The following CACNB2 variants were observed in gnomAD, a reference collection of about 807,000 sequenced individuals.
The protein encoded by CACNB2 is voltage-dependent L-type calcium channel subunit beta-2.
In CACNB2, 42 loss-of-function variants were observed where a neutral mutation model predicts 73.3. The ratio of observed to expected loss-of-function variants is 0.57; its 90% CI spans 0.45 to 0.74. The LOEUF (loss-of-function observed/expected upper bound fraction) is 0.74, where lower values mean the gene tolerates loss of function less well. CACNB2 is among the 30% of genes least tolerant of loss of function. The probability of loss-of-function intolerance (pLI) is 0.00; values close to 1 mark genes in which losing one functional copy is unlikely to be tolerated. For synonymous variants in CACNB2, 348 were observed against 310.3 expected (o/e 1.12, Z -1.28); for missense variants, 940 against 853.0 (o/e 1.10, Z -1.27).
chr10:18,522,738 C>T (rs1333011772), intron 9 of CACNB2, among the ~76,000 whole-genome samples: 1 of 151,784 alleles, frequency 6.6e-6, no homozygotes, highest in Non-Finnish European at 1.5e-5. Context: ...ATTAGCTGGG[C>T]ATGTTGGCGG....
chr10:18,531,480 C>A (rs566346577), intron 10 of CACNB2, among the ~76,000 whole-genome samples: 1 of 152,036 alleles, frequency 6.6e-6, no homozygotes, highest in African/African-American at 2.4e-5. Flanking sequence ...CATATACATG[C>A]GTGTATCTTT....
At chr10:18,487,213 A>C (rs2049111541) in intron 3 of CACNB2, among the ~76,000 whole-genome samples, 1 of 152,146 alleles carries the variant, frequency 6.6e-6, no homozygotes, top group African/African-American at 2.4e-5. Flanking sequence ...TGGTTGACAA[A>C]CAAAAGGGAA....
At chr10:18,480,723 T>C (rs1168729155) in intron 3 of CACNB2, among the ~76,000 whole-genome samples, 1 of 152,220 alleles carries the variant, frequency 6.6e-6, no homozygotes, top group African/African-American at 2.4e-5. Context: ...TTAGGAACTA[T>C]GGTTAGGGCT....
chr10:18,152,709 C>CAAAAAAAAAAAAAAAAAAAA lies in CACNB2; in HGVS notation c.213+1738_213+1757dup, dbSNP rs772732675. 1.1e-3 allele frequency among the ~76,000 whole-genome samples: 54 copies of CAAAAAAAAAAAAAAAAAAAA among 49,350 alleles called. 2 individuals are homozygous for CAAAAAAAAAAAAAAAAAAAA. Among genetic ancestry groups the CAAAAAAAAAAAAAAAAAAAA allele is most frequent in the East Asian group, 4.1e-3 (6 of 1,470 alleles). The allele number at this position is 49,350 out of a possible 152,430, so 32.4% of individuals were successfully genotyped here. A position where few individuals can be genotyped will look rare whatever the true frequency, so the allele number is the denominator to read the frequency against. ...TCATCATGCAGGACCTGAAACAGAC[C>CAAAAAAAAAAAAAAAAAAAA]AAAAAAAAAAAAAAAAAAAAAAACA... On this transcript the variant is annotated intron_variant, in intron 2 of 13. Coordinates refer to ENST00000324631, the MANE Select transcript of CACNB2 (RefSeq NM_201596.3).
At chr10:18,287,203 G>T (rs1336998467) in intron 2 of CACNB2, among the ~76,000 whole-genome samples, 1 of 151,798 alleles carries the variant, frequency 6.6e-6, no homozygotes, top group African/African-American at 2.4e-5. Flanking sequence ...GTGGCTTGTG[G>T]CTGTAATCCC....
chr10:18,433,875 TG>T (rs2046006486), intron 3 of CACNB2, among the ~76,000 whole-genome samples: 2 of 6,590 alleles, frequency 3.0e-4, no homozygotes, highest in Admixed American at 6.5e-3. Flanking sequence ...AATCAGATTT[TG>T]TTGTTGTTGT....
intron 2 of CACNB2, among the ~76,000 whole-genome samples, chr10:18,246,333 T>G (rs1270681867): frequency 6.6e-6 from 1 of 152,292 alleles, no homozygotes; most frequent in African/African-American, 2.4e-5. Flanking sequence ...AGTATTATAT[T>G]AATAATATTA....
At chr10:18,262,713 T>G (rs1426348685) in intron 2 of CACNB2, among the ~76,000 whole-genome samples, 1 of 152,184 alleles carries the variant, frequency 6.6e-6, no homozygotes, top group Non-Finnish European at 1.5e-5. Context: ...AGAGTGAGAA[T>G]TTCTTAGCTT....
At chr10:18,185,108 T>A (rs1364847438) in intron 2 of CACNB2, among the ~76,000 whole-genome samples, 1 of 152,142 alleles carries the variant, frequency 6.6e-6, no homozygotes, top group Non-Finnish European at 1.5e-5. Flanking sequence ...CCCAAAGTAC[T>A]GGGATTATAG....
intron 3 of CACNB2, among the ~76,000 whole-genome samples, chr10:18,465,263 G>A (rs1160403861): frequency 6.6e-6 from 1 of 152,212 alleles, no homozygotes; most frequent in African/African-American, 2.4e-5. Context: ...CTGGGAGTGG[G>A]AGTTTGCAGT....
chr10:18,358,889 T>G (rs1274994410), intron 2 of CACNB2, among the ~76,000 whole-genome samples: 1 of 152,132 alleles, frequency 6.6e-6, no homozygotes, highest in Non-Finnish European at 1.5e-5. Context: ...ATTCAGGGGT[T>G]TTGTTGTTGC....
chr10:18,189,706 C>A (rs1462460112), intron 2 of CACNB2, among the ~76,000 whole-genome samples: 1 of 152,074 alleles, frequency 6.6e-6, no homozygotes, highest in Non-Finnish European at 1.5e-5. Flanking sequence ...CTGAAGATAT[C>A]TTTTTAGAAT....
chr10:18,437,064 A>G (rs1180002999), intron 3 of CACNB2, among the ~76,000 whole-genome samples: 1 of 152,246 alleles, frequency 6.6e-6, no homozygotes, highest in African/African-American at 2.4e-5. Context: ...TTTGACTTAA[A>G]TGTTTAAATA....
At chr10:18,209,993 C>G (rs933774876) in intron 2 of CACNB2, among the ~76,000 whole-genome samples, 52 of 152,094 alleles carry the variant, frequency 3.4e-4, no homozygotes, top group Admixed American at 3.3e-3. Context: ...TTTCTGAATA[C>G]TACTGGGCCC....
intron 2 of CACNB2, among the ~76,000 whole-genome samples, chr10:18,396,962 A>G (rs1570939): frequency 0.61 from 92,661 of 151,944 alleles, 28,470 homozygotes; most frequent in Middle Eastern, 0.74. Flanking sequence ...TGGCTTTAAG[A>G]CTTCATATAA....
intron 3 of CACNB2, among the ~76,000 whole-genome samples, chr10:18,440,445 G>T (rs1291124299): frequency 6.6e-6 from 1 of 152,164 alleles, no homozygotes; most frequent in African/African-American, 2.4e-5. Context: ...TGAGGCGGGA[G>T]GATTGCCAGA....
At chr10:18,500,438 A>G (rs552209929) in intron 4 of CACNB2, among the ~76,000 whole-genome samples, 3 of 152,296 alleles carry the variant, frequency 2.0e-5, no homozygotes, top group South Asian at 4.1e-4. Context: ...AATAATTCCA[A>G]TTGGTCTGAT....
chr10:18,266,627 G>T (rs2037815439), intron 2 of CACNB2, among the ~76,000 whole-genome samples: 1 of 152,086 alleles, frequency 6.6e-6, no homozygotes, highest in Non-Finnish European at 1.5e-5. Flanking sequence ...GGTGGCTCAC[G>T]CCTGTAATCT....
chr10:18,257,506 T>C (rs2037332904), intron 2 of CACNB2, among the ~76,000 whole-genome samples: 1 of 152,232 alleles, frequency 6.6e-6, no homozygotes, highest in African/African-American at 2.4e-5. Context: ...CCCTTCTTCG[T>C]ATACACTATA....
Sources: gnomAD v4.1 joint callset for allele counts (sites outside exome capture counted in the v4.1 genomes callset) on GRCh38, gnomAD v4.1.1 for gene constraint, MANE v1.5 for transcripts, NCBI Gene and HGNC (gene_info 2026-07-23, HGNC 2026-07-21) for gene names.